GLCCI1: variants seen among roughly 807,000 people sequenced by gnomAD.
GLCCI1 encodes the protein glucocorticoid-induced transcript 1 protein.
In GLCCI1, 24 loss-of-function variants were observed where a neutral mutation model predicts 52.2. That is an observed-to-expected ratio of 0.46 (90% CI 0.33 to 0.65). The LOEUF is 0.65. GLCCI1 is among the 30% of genes least tolerant of loss of function. The probability of loss-of-function intolerance (pLI) is 0.02; values close to 1 mark genes in which losing one functional copy is unlikely to be tolerated. For missense variants in GLCCI1, 704 were observed against 701.5 expected (o/e 1.00, Z -0.04); for synonymous variants, 310 against 276.5 (o/e 1.12, Z -1.20).
chr7:7,993,285 C>A (rs1780880306), intron 1 of GLCCI1, among the ~76,000 whole-genome samples: 1 of 152,060 alleles, frequency 6.6e-6, no homozygotes, highest in Admixed American at 6.6e-5. Context: ...TGTAAAATGA[C>A]TTCTAAAAAA....
chr7:8,066,809 T>C (rs1782640857), intron 5 of GLCCI1, among the ~76,000 whole-genome samples: 3 of 152,086 alleles, frequency 2.0e-5, no homozygotes, highest in Non-Finnish European at 4.4e-5. Flanking sequence ...ATTCGTGTGG[T>C]TGTTTTTATA....
At chr7:8,073,903 C>A (rs1395321682) in intron 6 of GLCCI1, among the ~76,000 whole-genome samples, 1 of 152,176 alleles carries the variant, frequency 6.6e-6, no homozygotes, top group Non-Finnish European at 1.5e-5. Flanking sequence ...TTACTACTCC[C>A]TGGAAAACTG....
intron 4 of GLCCI1, among the ~76,000 whole-genome samples, chr7:8,056,476 C>T (rs1782400463): frequency 6.6e-6 from 1 of 152,168 alleles, no homozygotes; most frequent in Non-Finnish European, 1.5e-5. Context: ...TATCTTATCC[C>T]TATTTTACAT....
chr7:7,982,952 A>T (rs1344037946), intron 1 of GLCCI1, among the ~76,000 whole-genome samples: 1 of 152,178 alleles, frequency 6.6e-6, no homozygotes, highest in Non-Finnish European at 1.5e-5. Flanking sequence ...GCCAAATTAT[A>T]AAAAATATTA....
chr7:8,012,803 TTATC>T (rs1400279389), intron 2 of GLCCI1, among the ~76,000 whole-genome samples: 2 of 152,168 alleles, frequency 1.3e-5, no homozygotes, highest in African/African-American at 2.4e-5. Flanking sequence ...AAAGTCCAGT[TTATC>T]TATTTTTCCA....
intron 3 of GLCCI1, among the ~76,000 whole-genome samples, chr7:8,028,583 A>G (rs1781678758): frequency 6.6e-6 from 1 of 152,058 alleles, no homozygotes; most frequent in South Asian, 2.1e-4. Flanking sequence ...CAAACTGAAA[A>G]TTAGTATAAG....
At chr7:7,998,176 GT>G (rs71014742) in intron 1 of GLCCI1, among the ~76,000 whole-genome samples, 19,358 of 143,100 alleles carry the variant, frequency 0.14, 1,200 homozygotes, top group Admixed American at 0.18. Flanking sequence ...AGTTTTTTTT[GT>G]TTTTTTTTTT....
chr7:8,048,427 TG>T (rs150140786), intron 3 of GLCCI1, among the ~76,000 whole-genome samples: 21 of 151,648 alleles, frequency 1.4e-4, no homozygotes, highest in African/African-American at 4.4e-4. Flanking sequence ...TTTGGGGAGG[TG>T]GGGGGGTCTG....
chr7:8,008,283 A>G (rs935153575), intron 2 of GLCCI1, among the ~76,000 whole-genome samples: 1 of 149,726 alleles, frequency 6.7e-6, no homozygotes, highest in Non-Finnish European at 1.5e-5. Flanking sequence ...TAAATGTTGT[A>G]TATCTTTTTT....
Position 8,089,035 on chromosome 7 carries a change from G to A in GLCCI1, c.*2497G>A, listed in dbSNP as rs1222967525. On this transcript the variant is annotated 3_prime_UTR_variant, in exon 8 of 8. Coordinates refer to ENST00000223145, the MANE Select transcript of GLCCI1 (RefSeq NM_138426.4). ...TTTTGTTTTGTATTTTTTCAGTATA[G>A]AAGTTCCTGTGTCTTATTTAAATAA... The A allele has an allele frequency of 1.3e-5, 2 of 152,582 alleles. No homozygotes were observed. The highest frequency in any genetic ancestry group is 1.3e-4 in the Admixed American group (2 of 15,280). The allele number at this position is 152,582 out of a possible 1,614,324, so 9.5% of individuals were successfully genotyped here. A position where few individuals can be genotyped will look rare whatever the true frequency, so the allele number is the denominator to read the frequency against.
intron 1 of GLCCI1, among the ~76,000 whole-genome samples, chr7:7,979,236 T>C (rs1307681219): frequency 6.6e-6 from 1 of 152,170 alleles, no homozygotes; most frequent in East Asian, 1.9e-4. Flanking sequence ...ATTTCAAAGG[T>C]CTATTAATAC....
At chr7:7,998,173 TTTG>T (rs1304848719) in intron 1 of GLCCI1, among the ~76,000 whole-genome samples, 10 of 66,588 alleles carry the variant, frequency 1.5e-4, no homozygotes, top group African/African-American at 6.7e-4. Context: ...GGTAGTTTTT[TTTG>T]TTTTTTTTTT....
chr7:7,973,856 CT>C (rs1780406334), intron 1 of GLCCI1, among the ~76,000 whole-genome samples: 1 of 151,878 alleles, frequency 6.6e-6, no homozygotes, highest in South Asian at 2.1e-4. Context: ...TTAAATTTAT[CT>C]TTTTAAGTCA....
intron 2 of GLCCI1, among the ~76,000 whole-genome samples, chr7:8,019,159 AT>A (rs771049411): frequency 6.6e-6 from 1 of 152,182 alleles, no homozygotes. Context: ...TGATCAGTGT[AT>A]AGAACACTGC....
chr7:8,050,712 G>C (rs1782238793), intron 3 of GLCCI1, among the ~76,000 whole-genome samples: 1 of 151,894 alleles, frequency 6.6e-6, no homozygotes, highest in Admixed American at 6.6e-5. Flanking sequence ...TTATCTCCTT[G>C]TGAGTTGTTA....
chr7:8,000,791 A>G (rs1423567185), intron 1 of GLCCI1, among the ~76,000 whole-genome samples: 1 of 152,194 alleles, frequency 6.6e-6, no homozygotes, highest in East Asian at 1.9e-4. Context: ...ACCATTATGT[A>G]ATGGCCTTCT....
chr7:8,078,208 TAAAAA>T (rs5882151), intron 6 of GLCCI1, among the ~76,000 whole-genome samples: 4 of 86,236 alleles, frequency 4.6e-5, no homozygotes, highest in Non-Finnish European at 6.5e-5. Context: ...GACTCCGTCT[TAAAAA>T]AAAAAAAAAA....
chr7:7,988,472 C>A, intron 1 of GLCCI1, among the ~76,000 whole-genome samples: 1 of 152,040 alleles, frequency 6.6e-6, no homozygotes, highest in Non-Finnish European at 1.5e-5. Context: ...TCAAAGAGGT[C>A]ACATTGAGGA....
intron 3 of GLCCI1, among the ~76,000 whole-genome samples, chr7:8,026,281 C>A (rs747949922): frequency 3.3e-5 from 5 of 151,720 alleles, no homozygotes; most frequent in African/African-American, 1.2e-4. Context: ...AGAAAAAAAA[C>A]AAACACCAGA....
Sources: gnomAD v4.1 joint callset for allele counts (sites outside exome capture counted in the v4.1 genomes callset) on GRCh38, gnomAD v4.1.1 for gene constraint, MANE v1.5 for transcripts, NCBI Gene and HGNC (gene_info 2026-07-23, HGNC 2026-07-21) for gene names.